The following TRIO variants were observed in gnomAD, a reference collection of about 807,000 sequenced individuals.
TRIO encodes trio Rho guanine nucleotide exchange factor.
TRIO carries 58 observed loss-of-function variants against 351.9 expected under a neutral mutation model. The observed-to-expected ratio is 0.16, with a 90% CI of 0.13 to 0.21. The LOEUF (loss-of-function observed/expected upper bound fraction) is 0.21, where lower values mean the gene tolerates loss of function less well. Among genes scored for constraint, TRIO ranks in the 10% least tolerant of loss-of-function variants. TRIO has a pLI of 1.00. For missense variants in TRIO, 3,201 were observed against 4,027.8 expected, an observed-to-expected ratio of 0.79 and a Z score of 5.56; for synonymous variants, 1,758 against 1,595.7, an observed-to-expected ratio of 1.10 and a Z score of -2.42.
intron 11 of TRIO, among the ~76,000 whole-genome samples, chr5:14,349,987 T>C (rs759899181): frequency 6.6e-6 from 1 of 152,238 alleles, no homozygotes; most frequent in African/African-American, 2.4e-5. Flanking sequence ...GTTGGTTTTC[T>C]GTTCATGCAT....
In TRIO at chr5:14,504,828, A is replaced by G. The variant is rs542382464; in HGVS notation, c.8612+235A>G. Among the ~76,000 whole-genome samples the G allele has an allele frequency of 2.0e-5, 3 of 152,180 alleles. No homozygotes were observed. In the South Asian group the frequency reaches 6.2e-4, roughly 32 times the overall value. ...GAAGGGCAGTCACTGCTGGGATGGA[A>G]CACCTGATATGCTCAGCCAACCCGG... is the stretch of plus-strand genomic sequence containing the variant. On this transcript the variant is annotated intron_variant, in intron 55 of 56. Coordinates refer to ENST00000344204, the MANE Select transcript of TRIO (RefSeq NM_007118.4).
At chr5:14,272,379 C>G (rs572603860) in intron 2 of TRIO, among the ~76,000 whole-genome samples, 1 of 152,122 alleles carries the variant, frequency 6.6e-6, no homozygotes. Flanking sequence ...TGGAGATGGA[C>G]ATGTGAAGAA....
intron 34 of TRIO, among the ~76,000 whole-genome samples, chr5:14,456,627 C>T (rs1216230912): frequency 3.9e-5 from 6 of 152,216 alleles, no homozygotes; most frequent in East Asian, 1.9e-4. Flanking sequence ...ATCAGGACCT[C>T]TTCTGGGGAA....
At chr5:14,268,669 A>G (rs1033838513) in intron 1 of TRIO, among the ~76,000 whole-genome samples, 1 of 152,110 alleles carries the variant, frequency 6.6e-6, no homozygotes, top group South Asian at 2.1e-4. Flanking sequence ...CCTTCCTAGT[A>G]TTTGTCTATC....
chr5:14,455,110 A>G (rs1753173362), intron 34 of TRIO, among the ~76,000 whole-genome samples: 2 of 152,176 alleles, frequency 1.3e-5, no homozygotes, highest in South Asian at 4.1e-4. Flanking sequence ...GCGGACCCAA[A>G]GAGTGAGTAG....
chr5:14,339,615 C>A (rs1008461833), intron 11 of TRIO, among the ~76,000 whole-genome samples: 2 of 152,152 alleles, frequency 1.3e-5, no homozygotes, highest in African/African-American at 4.8e-5. Flanking sequence ...TAACCTGGGA[C>A]CAAGGAGGGA....
intron 3 of TRIO, among the ~76,000 whole-genome samples, chr5:14,285,092 C>T (rs1257027279): frequency 6.6e-6 from 1 of 152,206 alleles, no homozygotes; most frequent in Non-Finnish European, 1.5e-5. Context: ...CTCTAGGTTT[C>T]ATGAAGGAGG....
intron 37 of TRIO, among the ~76,000 whole-genome samples, chr5:14,467,735 C>T (rs1754369332): frequency 6.6e-6 from 1 of 152,020 alleles, no homozygotes; most frequent in Non-Finnish European, 1.5e-5. Flanking sequence ...ATCACCTGAG[C>T]CCAGGAGGTT....
chr5:14,199,195 CAAAAAAAAA>C (rs58856067), intron 1 of TRIO, among the ~76,000 whole-genome samples: 12 of 74,250 alleles, frequency 1.6e-4, no homozygotes, highest in African/African-American at 5.0e-4. Context: ...GAGTGGGACT[CAAAAAAAAA>C]AAAAAAAAAA....
chr5:14,262,896 C>A (rs553117290), intron 1 of TRIO, among the ~76,000 whole-genome samples: 1 of 152,230 alleles, frequency 6.6e-6, no homozygotes, highest in Non-Finnish European at 1.5e-5. Context: ...CATGGCACTT[C>A]TTTGTTCCAG....
chr5:14,309,975 A>C (rs1738771084), intron 8 of TRIO, among the ~76,000 whole-genome samples: 1 of 152,026 alleles, frequency 6.6e-6, no homozygotes. Context: ...TTTTCTTCCA[A>C]GACGCAAGCA....
intron 1 of TRIO, among the ~76,000 whole-genome samples, chr5:14,152,004 G>T (rs1787870519): frequency 6.6e-6 from 1 of 152,020 alleles, no homozygotes; most frequent in African/African-American, 2.4e-5. Flanking sequence ...TTTTTATTCT[G>T]AAGCTGAACC....
intron 33 of TRIO, among the ~76,000 whole-genome samples, chr5:14,413,261 A>G (rs1050165784): frequency 3.3e-5 from 5 of 152,212 alleles, no homozygotes; most frequent in South Asian, 2.1e-4. Context: ...TGGTGGCTCA[A>G]CTGCAAAATT....
chr5:14,197,946 T>G (rs1022025944), intron 1 of TRIO, among the ~76,000 whole-genome samples: 2 of 152,226 alleles, frequency 1.3e-5, no homozygotes, highest in Non-Finnish European at 2.9e-5. Context: ...ACCTGCCCTT[T>G]GCTCTGGAGG....
Position 14,387,410 on chromosome 5 carries a change from C to T in TRIO, c.3571-28C>T, listed in dbSNP as rs1227873718. 1.9e-6 allele frequency: 3 copies of T among 1,576,864 alleles called. 1 individual carries two copies. Among genetic ancestry groups the T allele is most frequent in the Admixed American group, 3.6e-5 (2 of 55,844 alleles). ...TTCTGGCAGTCGGATTCATTTGCCT[C>T]ACAATACTTTCCTGTTGTTTTTTGC... On this transcript the variant is annotated intron_variant, in intron 21 of 56. Transcript: ENST00000344204.
intron 1 of TRIO, among the ~76,000 whole-genome samples, chr5:14,157,732 GT>G (rs1788201694): frequency 6.6e-6 from 1 of 152,138 alleles, no homozygotes; most frequent in African/African-American, 2.4e-5. Context: ...CTTTGAGCAT[GT>G]GCCACGACAC....
intron 45 of TRIO, 67 bp downstream of exon 45, chr5:14,481,685 T>A: frequency 6.5e-7 from 1 of 1,543,742 alleles, no homozygotes. Flanking sequence ...CTTGGATTAT[T>A]TCTCTCCACA....
chr5:14,429,660 GACTT>G (rs980956590), intron 34 of TRIO, among the ~76,000 whole-genome samples: 40 of 152,122 alleles, frequency 2.6e-4, no homozygotes, highest in African/African-American at 9.2e-4. Flanking sequence ...AAAATTTTAA[GACTT>G]ACAAGTTATG....
Position 14,315,559 on chromosome 5 carries a change from A to G in TRIO, c.1501-954A>G, listed in dbSNP as rs139079034. The stretch of plus-strand genomic sequence containing the variant: ...AGACACCACACCCGGCCTGCTTACT[A>G]GAAACTCAAAGAGGTTTTTAGATTT... On this transcript the variant is annotated intron_variant, in intron 8 of 56. Coordinates refer to ENST00000344204, the MANE Select transcript of TRIO (RefSeq NM_007118.4). Among the ~76,000 whole-genome samples the G allele has an allele frequency of 3.1e-3, 470 of 152,212 alleles. 1 individual carries two copies. The highest frequency in any genetic ancestry group is 0.01 in the Middle Eastern group (3 of 294).
Sources: allele counts gnomAD v4.1 joint callset (sites outside exome capture counted in the v4.1 genomes callset), GRCh38; gene constraint gnomAD v4.1.1; transcripts MANE v1.5; gene names NCBI Gene and HGNC (gene_info 2026-07-23, HGNC 2026-07-21).